The following CHIA variants were observed in gnomAD, a reference collection of about 807,000 sequenced individuals.
The protein encoded by CHIA is acidic mammalian chitinase.
Under a neutral mutation model 53.5 loss-of-function variants are expected in CHIA, and 47 were observed. The observed-to-expected ratio is 0.88, with a 90% CI of 0.70 to 1.12. CHIA has a LOEUF of 1.12. Ranked by LOEUF, CHIA falls within the 50% of genes most tolerant of loss-of-function variation. The pLI, the probability that CHIA is intolerant of heterozygous loss-of-function variation, is 0.00. For synonymous variants in CHIA, 268 were observed against 222.2 expected (o/e 1.21, Z -1.83); for missense variants, 652 against 592.2 (o/e 1.10, Z -1.05).
At chr1:111,306,203 G>T (rs1648173591) in intron 1 of CHIA, among the ~76,000 whole-genome samples, 1 of 152,112 alleles carries the variant, frequency 6.6e-6, no homozygotes, top group Non-Finnish European at 1.5e-5. Flanking sequence ...TTTCTTATGG[G>T]ATTTTTATGA....
At chr1:111,317,582 T>C in intron 6 of CHIA, 99 bp from the exon 7 acceptor site, 1 of 1,355,528 alleles carries the variant, frequency 7.4e-7, no homozygotes, top group Non-Finnish European at 1.0e-6. Flanking sequence ...GAAAGCAATT[T>C]AAGAGAGAGA....
chr1:111,296,312 G>A (rs964400739), intron 1 of CHIA, among the ~76,000 whole-genome samples: 1 of 152,210 alleles, frequency 6.6e-6, no homozygotes, highest in Non-Finnish European at 1.5e-5. Flanking sequence ...CCCAGTAGGG[G>A]CTGACTGACA....
Position 111,320,556 on chromosome 1 carries a change from T to G in CHIA, c.*90T>G. The stretch of plus-strand genomic sequence containing the variant: ...TAAAGTCCTGCAATAAAATCAGCAG[T>G]CAAAACATGACTGTCCTTGCTTTTA... On this transcript the variant is annotated 3_prime_UTR_variant, in exon 12 of 12. Transcript: ENST00000369740. 1 of 1,255,004 alleles carries G rather than the reference T, an allele frequency of 8.0e-7. No homozygotes were observed. Among genetic ancestry groups the G allele is most frequent in the Non-Finnish European group, 1.1e-6 (1 of 874,492 alleles). 77.7% of individuals were successfully genotyped at this position (1,255,004 alleles called of 1,614,324 possible). A position where few individuals can be genotyped will look rare whatever the true frequency, so the allele number is the denominator to read the frequency against.
intron 6 of CHIA, 61 bp from the exon 7 acceptor site, chr1:111,317,620 T>C: frequency 1.3e-6 from 2 of 1,573,832 alleles, no homozygotes; most frequent in South Asian, 1.1e-5. Context: ...TGTTTATTAG[T>C]ATTATTTAAG....
chr1:111,303,412 T>C (rs758962340), intron 1 of CHIA, among the ~76,000 whole-genome samples: 3 of 151,836 alleles, frequency 2.0e-5, no homozygotes, highest in Non-Finnish European at 4.4e-5. Flanking sequence ...CGTTTCCTTA[T>C]ACACACACAC....
intron 2 of CHIA, among the ~76,000 whole-genome samples, chr1:111,311,420 T>G (rs560891619): frequency 6.6e-6 from 1 of 152,320 alleles, no homozygotes; most frequent in African/African-American, 2.4e-5. Context: ...AAGTACATCT[T>G]CCATAGATAG....
At chr1:111,315,775 C>G (rs1649107692) in intron 6 of CHIA, 1 of 461,440 alleles carries the variant, frequency 2.2e-6, no homozygotes. Context: ...GCAACTTGCC[C>G]AAGATCACAC....
At chr1:111,312,483 C>A in intron 4 of CHIA, 92 bp downstream of exon 4, 1 of 1,039,808 alleles carries the variant, frequency 9.6e-7, no homozygotes, top group Non-Finnish European at 1.5e-6. Context: ...ATCCATGGAT[C>A]TGAGATGGGG....
At position 111,318,067 on chromosome 1, in the gene CHIA, C is replaced by T; in HGVS notation, c.687C>T (p.Tyr229=). 1.2e-6 allele frequency: 2 copies of T among 1,613,880 alleles called. No homozygotes were observed. The highest frequency in any genetic ancestry group is 1.7e-6 in the Non-Finnish European group (2 of 1,179,754). ...EGYTGENSPL[Y]KYPTDTGSNA... Reference sequence around the variant, plus strand: ...ACACTGGAGAGAACAGCCCCCTCTACAAATACCCGACTGACACCGGCAGCA... The same window carrying T: ...ACACTGGAGAGAACAGCCCCCTCTATAAATACCCGACTGACACCGGCAGCA... Residue 229 remains tyrosine (Y), a synonymous_variant, in exon 8 of 12, where the codon TAC becomes TAT. Coordinates refer to ENST00000369740, the MANE Select transcript of CHIA (RefSeq NM_201653.4).
intron 6 of CHIA, chr1:111,315,648 T>C: frequency 1.7e-6 from 1 of 596,268 alleles, no homozygotes; most frequent in Non-Finnish European, 3.0e-6. Context: ...CTGCTCTACA[T>C]GTTGTTTTAA....
intron 1 of CHIA, among the ~76,000 whole-genome samples, chr1:111,291,836 G>C (rs569481095): frequency 2.2e-4 from 33 of 150,802 alleles, no homozygotes; most frequent in South Asian, 1.3e-3. Context: ...CTGTCGGGGG[G>C]GGGTGGGGGT....
chr1:111,315,858 G>T, intron 6 of CHIA: 1 of 456,358 alleles, frequency 2.2e-6, no homozygotes, highest in Non-Finnish European at 4.4e-6. Context: ...ACACTAGGCT[G>T]CCCGTTATTA....
At chr1:111,297,339 C>G (rs982657787) in intron 1 of CHIA, among the ~76,000 whole-genome samples, 4 of 152,170 alleles carry the variant, frequency 2.6e-5, no homozygotes, top group African/African-American at 9.7e-5. Flanking sequence ...GGTCGGGTTA[C>G]CCACAAAGGA....
In CHIA at chr1:111,297,449, C is replaced by T. The variant is rs1195771204; in HGVS notation, c.-69+6499C>T. ...CATTCTTAAATAAAAGAATTTTCAACCCAGAATTTCATATCCAGTCAAACT... is the reference window on the plus strand; with the variant it reads ...CATTCTTAAATAAAAGAATTTTCAATCCAGAATTTCATATCCAGTCAAACT... On this transcript the variant is annotated intron_variant, in intron 1 of 11. Coordinates refer to ENST00000369740, the MANE Select transcript of CHIA (RefSeq NM_201653.4). Among the ~76,000 whole-genome samples the T allele has an allele frequency of 2.0e-5, 3 of 152,106 alleles. No homozygotes were observed. In the East Asian group the frequency reaches 5.8e-4, roughly 29 times the overall value.
In CHIA at chr1:111,314,617, A is replaced by C. The variant is rs532091224; in HGVS notation, c.314+21A>C. 2.1e-4 allele frequency: 329 copies of C among 1,600,274 alleles called. 1 individual carries two copies. The South Asian group carries it at 2.4e-3, about 12-fold the overall frequency. On this transcript the variant is annotated intron_variant, in intron 5 of 11. Coordinates refer to ENST00000369740, the MANE Select transcript of CHIA (RefSeq NM_201653.4). ...GCCCCGTAAGTCTTCTATGGAGAGC[A>C]TGTTGTTCGTTTGCTATGGAAAACA...
intron 6 of CHIA, chr1:111,316,745 T>G (rs959979175): frequency 2.0e-5 from 3 of 152,228 alleles, no homozygotes; most frequent in African/African-American, 7.2e-5. Context: ...TTAGACTTAC[T>G]GTCTCCCAAG....
intron 1 of CHIA, among the ~76,000 whole-genome samples, chr1:111,301,643 A>G (rs1167347593): frequency 6.7e-6 from 1 of 148,732 alleles, no homozygotes; most frequent in Non-Finnish European, 1.5e-5. Flanking sequence ...CAGAGCTTGC[A>G]GTGAGCCGAG....
chr1:111,319,017 G>T, intron 9 of CHIA, 103 bp from the exon 10 acceptor site: 1 of 1,445,772 alleles, frequency 6.9e-7, no homozygotes. Flanking sequence ...ACTAGAAATT[G>T]AGCAAAACCC....
intron 1 of CHIA, among the ~76,000 whole-genome samples, chr1:111,294,682 C>T (rs1430583057): frequency 6.6e-6 from 1 of 152,118 alleles, no homozygotes; most frequent in African/African-American, 2.4e-5. Flanking sequence ...GTGGGTTTTT[C>T]AAACATAGCT....
Sources: gnomAD v4.1 joint callset for allele counts (sites outside exome capture counted in the v4.1 genomes callset) on GRCh38, gnomAD v4.1.1 for gene constraint, MANE v1.5 for transcripts, NCBI Gene and HGNC (gene_info 2026-07-23, HGNC 2026-07-21) for gene names.